Variants in ARL8B observed in about 807,000 individuals in gnomAD.
The protein encoded by ARL8B is ARF like GTPase 8B.
A neutral mutation model predicts 30.6 loss-of-function variants in ARL8B; 9 were observed. The observed-to-expected ratio is 0.29, with a 90% CI of 0.18 to 0.51. The LOEUF (loss-of-function observed/expected upper bound fraction) is 0.51, where lower values mean the gene tolerates loss of function less well. Ranked by LOEUF, ARL8B falls within the 20% of genes least tolerant of loss-of-function variation. The pLI is 0.97. For synonymous variants in ARL8B, 74 were observed against 76.0 expected, an observed-to-expected ratio of 0.97 and a Z score of 0.14; for missense variants, 130 against 227.2, an observed-to-expected ratio of 0.57 and a Z score of 2.75.
At chr3:5,130,767 G>A (rs1204366304) in intron 1 of ARL8B, among the ~76,000 whole-genome samples, 1 of 151,560 alleles carries the variant, frequency 6.6e-6, no homozygotes, top group East Asian at 2.0e-4. Flanking sequence ...AACTTCTGAC[G>A]TCAAGTGATC....
intron 1 of ARL8B, among the ~76,000 whole-genome samples, chr3:5,156,236 A>G (rs1180893171): frequency 1.3e-5 from 2 of 151,718 alleles, no homozygotes; most frequent in Non-Finnish European, 2.9e-5. Context: ...CCTCAGGGTC[A>G]GTTTCTGTTG....
At chr3:5,177,204 C>CT (rs1410040631) in intron 6 of ARL8B, among the ~76,000 whole-genome samples, 1 of 152,170 alleles carries the variant, frequency 6.6e-6, no homozygotes. Flanking sequence ...TGAGGCTGAT[C>CT]TTTATAGTTG....
At chr3:5,125,724 G>C (rs992593310) in intron 1 of ARL8B, among the ~76,000 whole-genome samples, 1 of 152,050 alleles carries the variant, frequency 6.6e-6, no homozygotes, top group African/African-American at 2.4e-5. Flanking sequence ...GTAGAGACGG[G>C]GTTTCACCAT....
intron 1 of ARL8B, among the ~76,000 whole-genome samples, chr3:5,145,277 C>G (rs559538395): frequency 6.6e-6 from 1 of 152,108 alleles, no homozygotes; most frequent in Non-Finnish European, 1.5e-5. Context: ...TTTGTTGTTA[C>G]GACCAAATCT....
chr3:5,140,174 C>T (rs939232384), intron 1 of ARL8B, among the ~76,000 whole-genome samples: 1 of 151,996 alleles, frequency 6.6e-6, no homozygotes, highest in African/African-American at 2.4e-5. Flanking sequence ...ACAAAGTCTT[C>T]TGGTATGGTT....
At chr3:5,154,402 T>G (rs2054514658) in intron 1 of ARL8B, among the ~76,000 whole-genome samples, 1 of 152,066 alleles carries the variant, frequency 6.6e-6, no homozygotes, top group Admixed American at 6.6e-5. Flanking sequence ...TGGTACGATC[T>G]TGGCTCAGTG....
chr3:5,167,787 A>AT (rs1559285290), intron 1 of ARL8B, among the ~76,000 whole-genome samples: 1 of 152,214 alleles, frequency 6.6e-6, no homozygotes, highest in Non-Finnish European at 1.5e-5. Flanking sequence ...ACTAAGTAGT[A>AT]TTTTCTAAAC....
At chr3:5,151,715 C>A (rs541962740) in intron 1 of ARL8B, among the ~76,000 whole-genome samples, 1 of 102,512 alleles carries the variant, frequency 9.8e-6, no homozygotes, top group South Asian at 4.0e-4. Context: ...AAGCTTTTCT[C>A]CCCCCACCCC....
At chr3:5,164,335 T>C (rs2054606543) in intron 1 of ARL8B, among the ~76,000 whole-genome samples, 1 of 152,252 alleles carries the variant, frequency 6.6e-6, no homozygotes, top group African/African-American at 2.4e-5. Context: ...GGTAGTGGCA[T>C]GACTGATTTG....
intron 1 of ARL8B, among the ~76,000 whole-genome samples, chr3:5,158,394 A>G (rs762801047): frequency 6.6e-6 from 1 of 152,250 alleles, no homozygotes; most frequent in Non-Finnish European, 1.5e-5. Context: ...GGGTGATGGT[A>G]GCAAACATTG....
chr3:5,158,088 GC>G (rs1391269653), intron 1 of ARL8B, among the ~76,000 whole-genome samples: 1 of 152,024 alleles, frequency 6.6e-6, no homozygotes, highest in Non-Finnish European at 1.5e-5. Flanking sequence ...TGATTGTCCT[GC>G]CTCAGCCTCC....
intron 1 of ARL8B, among the ~76,000 whole-genome samples, chr3:5,141,175 A>G (rs778044134): frequency 6.6e-6 from 1 of 152,116 alleles, no homozygotes; most frequent in Non-Finnish European, 1.5e-5. Flanking sequence ...TTCACTTATC[A>G]TGACCTTCTG....
intron 1 of ARL8B, among the ~76,000 whole-genome samples, chr3:5,164,002 C>T (rs2054603455): frequency 6.6e-6 from 1 of 152,268 alleles, no homozygotes; most frequent in South Asian, 2.1e-4. Context: ...TCGGTAGATG[C>T]GGGGGATTGG....
At chr3:5,146,385 G>A (rs1160177823) in intron 1 of ARL8B, among the ~76,000 whole-genome samples, 1 of 152,172 alleles carries the variant, frequency 6.6e-6, no homozygotes, top group Non-Finnish European at 1.5e-5. Flanking sequence ...TTTTGACTGG[G>A]AGAATTGGAG....
chr3:5,140,552 T>A (rs1302629333), intron 1 of ARL8B, among the ~76,000 whole-genome samples: 2 of 143,078 alleles, frequency 1.4e-5, no homozygotes, highest in Admixed American at 6.8e-5. Flanking sequence ...CTCATACACC[T>A]TCTTGGTTTT....
At chr3:5,140,838 T>C (rs1002856535) in intron 1 of ARL8B, among the ~76,000 whole-genome samples, 3 of 152,180 alleles carry the variant, frequency 2.0e-5, no homozygotes, top group African/African-American at 7.2e-5. Context: ...GAAACACTCA[T>C]TTACTCATCC....
chr3:5,170,396 TA>T, intron 1 of ARL8B, 106 bp from the exon 2 acceptor site: 5 of 639,940 alleles, frequency 7.8e-6, no homozygotes, highest in South Asian at 3.0e-5. Flanking sequence ...TTACCAATGG[TA>T]AAAAAATATT....
intron 6 of ARL8B, among the ~76,000 whole-genome samples, 189 bp from the exon 7 acceptor site, chr3:5,178,475 C>T (rs976609058): frequency 1.1e-4 from 17 of 149,394 alleles, no homozygotes; most frequent in Admixed American, 2.0e-4. Context: ...AATCAGAAAA[C>T]GCTTCAGTCT....
chr3:5,132,756 C>T (rs1043057235), intron 1 of ARL8B, among the ~76,000 whole-genome samples: 5 of 152,098 alleles, frequency 3.3e-5, no homozygotes, highest in African/African-American at 9.7e-5. Context: ...AAACTAGGTG[C>T]AAGGCATTGT....
Sources: gnomAD v4.1 joint callset for allele counts (sites outside exome capture counted in the v4.1 genomes callset) on GRCh38, gnomAD v4.1.1 for gene constraint, MANE v1.5 for transcripts, NCBI Gene and HGNC (gene_info 2026-07-23, HGNC 2026-07-21) for gene names.